EYS: variants seen among roughly 807,000 people sequenced by gnomAD.
The protein encoded by EYS is EGF-like photoreceptor maintenance factor, also known as protein eyes shut homolog.
In EYS, 250 loss-of-function variants were observed where a neutral mutation model predicts 282.1. The observed-to-expected ratio is 0.89, with a 90% CI of 0.80 to 0.98. EYS has a LOEUF of 0.98. Ranked by LOEUF, EYS falls within the 50% of genes least tolerant of loss-of-function variation. The pLI, the probability that EYS is intolerant of heterozygous loss-of-function variation, is 0.00. For missense variants in EYS, 4,016 were observed against 3,709.0 expected (o/e 1.08, Z -2.15); for synonymous variants, 1,355 against 1,282.9 (o/e 1.06, Z -1.20).
chr6:63,863,663 C>CTTTTTTTTTTTT lies in EYS; in HGVS notation c.7228+522_7228+523insAAAAAAAAAAAA, dbSNP rs1436358110. 3.6e-5 allele frequency among the ~76,000 whole-genome samples: 2 copies of CTTTTTTTTTTTT among 55,792 alleles called. 1 individual carries two copies. The allele number at this position is 55,792 out of a possible 152,430, so 36.6% of individuals were successfully genotyped here. ...TTTTTCTTTTCTTTTCTTTTCTTTT[C>CTTTTTTTTTTTT]TTTTCTTTTTTCTTTTTTTTTTTTT... On this transcript the variant is annotated intron_variant, in intron 36 of 42. Transcript: ENST00000503581.
At chr6:64,513,390 T>G (rs1777466856) in intron 26 of EYS, among the ~76,000 whole-genome samples, 1 of 151,908 alleles carries the variant, frequency 6.6e-6, no homozygotes, top group Non-Finnish European at 1.5e-5. Context: ...TGACATTCTA[T>G]GAAAAAATAT....
Position 64,591,537 on chromosome 6 carries a change from G to T in EYS, c.4330C>A (p.Leu1444Ile). The T allele has an allele frequency of 2.6e-6, 4 of 1,551,288 alleles. No individual in the cohort carries two copies. Among genetic ancestry groups the T allele is most frequent in the Non-Finnish European group, 3.5e-6 (4 of 1,146,758 alleles). Residue 1444 changes from leucine to isoleucine, a missense_variant, in exon 26 of 43, where the codon CTC becomes ATC. Transcript: ENST00000503581. Reference protein sequence around the residue: ...ADIELNRQSLLSRGFLLIAAS... With the variant: ...ADIELNRQSLISRGFLLIAAS... Reference sequence around the variant, plus strand: ...GCTATAAGCAGGAATCCACGGGAGAGTAATGACTGCCTGTTTAGCTCAATA... The same window carrying T: ...GCTATAAGCAGGAATCCACGGGAGATTAATGACTGCCTGTTTAGCTCAATA...
At chr6:64,847,007 C>T (rs1303996846) in intron 19 of EYS, among the ~76,000 whole-genome samples, 1 of 102,344 alleles carries the variant, frequency 9.8e-6, no homozygotes, top group Admixed American at 1.1e-4. Flanking sequence ...TATTATCCTC[C>T]CCAGTGTGAA....
chr6:65,290,672 C>T (rs1335398826), intron 12 of EYS, among the ~76,000 whole-genome samples: 3 of 151,222 alleles, frequency 2.0e-5, no homozygotes, highest in Admixed American at 6.6e-5. Flanking sequence ...GATTGTAAGG[C>T]CATAAACAAA....
At chr6:63,929,590 T>A (rs980015999) in intron 35 of EYS, among the ~76,000 whole-genome samples, 1 of 152,236 alleles carries the variant, frequency 6.6e-6, no homozygotes, top group Non-Finnish European at 1.5e-5. Flanking sequence ...TGCACTTGTA[T>A]GATGCTCTGT....
intron 14 of EYS, 22 bp from the exon 15 acceptor site, chr6:64,945,936 T>C (rs1038372765): frequency 1.5e-5 from 23 of 1,528,630 alleles, no homozygotes; most frequent in African/African-American, 1.2e-4. Flanking sequence ...TGAAATTATA[T>C]ATTTTTAGGC....
intron 26 of EYS, among the ~76,000 whole-genome samples, chr6:64,510,556 A>G (rs1197342690): frequency 6.6e-6 from 1 of 152,166 alleles, no homozygotes; most frequent in Non-Finnish European, 1.5e-5. Flanking sequence ...TATCTCTAAA[A>G]AATCAAAAAT....
chr6:64,748,080 G>A (rs1562169136), intron 22 of EYS, among the ~76,000 whole-genome samples: 1 of 152,124 alleles, frequency 6.6e-6, no homozygotes, highest in Non-Finnish European at 1.5e-5. Flanking sequence ...GGAGAACATA[G>A]ATTTCTACAA....
chr6:64,111,345 C>A (rs190584856), intron 31 of EYS, among the ~76,000 whole-genome samples: 1 of 152,064 alleles, frequency 6.6e-6, no homozygotes, highest in African/African-American at 2.4e-5. Context: ...AGATGATAGG[C>A]ACCCACCATA....
chr6:64,511,280 G>C (rs1459665797), intron 26 of EYS, among the ~76,000 whole-genome samples: 1 of 147,436 alleles, frequency 6.8e-6, no homozygotes, highest in Non-Finnish European at 1.5e-5. Context: ...TCATATATAT[G>C]ATATATATGT....
intron 22 of EYS, among the ~76,000 whole-genome samples, chr6:64,811,484 A>C (rs1764594179): frequency 6.6e-6 from 1 of 151,902 alleles, no homozygotes; most frequent in Non-Finnish European, 1.5e-5. Flanking sequence ...GAATATTTAT[A>C]CAGGAGCTTG....
At chr6:64,864,214 T>C (rs1289865292) in intron 19 of EYS, among the ~76,000 whole-genome samples, 1 of 151,968 alleles carries the variant, frequency 6.6e-6, no homozygotes, top group African/African-American at 2.4e-5. Context: ...TTTTGCTAAA[T>C]GGAAGGATAT....
At chr6:65,320,903 C>T (rs1329810049) in intron 11 of EYS, among the ~76,000 whole-genome samples, 1 of 152,210 alleles carries the variant, frequency 6.6e-6, no homozygotes, top group Admixed American at 6.5e-5. Context: ...GCAACTCCAG[C>T]AGGCACCTAC....
chr6:64,748,465 C>T (rs577212928), intron 22 of EYS, among the ~76,000 whole-genome samples: 158 of 152,312 alleles, frequency 1.0e-3, no homozygotes, highest in African/African-American at 3.3e-3. Flanking sequence ...GGTTTGCACT[C>T]CTGTGAGAAT....
At chr6:64,306,016 C>G (rs1246203280) in intron 30 of EYS, among the ~76,000 whole-genome samples, 1 of 151,956 alleles carries the variant, frequency 6.6e-6, no homozygotes, top group Non-Finnish European at 1.5e-5. Context: ...ATAGAGAACT[C>G]CTAAGACTAA....
chr6:65,434,097 A>T (rs9445545), intron 5 of EYS, among the ~76,000 whole-genome samples: 1 of 152,100 alleles, frequency 6.6e-6, no homozygotes, highest in South Asian at 2.1e-4. Context: ...TTAAAAAGGC[A>T]GAGTGATTGG....
chr6:65,654,874 T>G (rs1333223986), intron 1 of EYS, among the ~76,000 whole-genome samples: 1 of 151,416 alleles, frequency 6.6e-6, no homozygotes, highest in Non-Finnish European at 1.5e-5. Context: ...CTATGGTAAT[T>G]TGTTTTTAAA....
intron 2 of EYS, among the ~76,000 whole-genome samples, chr6:65,568,413 T>C (rs1764361304): frequency 6.6e-6 from 1 of 151,954 alleles, no homozygotes; most frequent in African/African-American, 2.4e-5. Flanking sequence ...CTAAATACAT[T>C]TGCATGCCAT....
intron 41 of EYS, chr6:63,742,064 CTT>C (rs1398850292): frequency 1.9e-5 from 13 of 680,510 alleles, no homozygotes; most frequent in Non-Finnish European, 3.5e-5. Context: ...GGCAGACACT[CTT>C]TGGATCTTTG....
Sources: gnomAD v4.1 joint callset for allele counts (sites outside exome capture counted in the v4.1 genomes callset) on GRCh38, gnomAD v4.1.1 for gene constraint, MANE v1.5 for transcripts, NCBI Gene and HGNC (gene_info 2026-07-23, HGNC 2026-07-21) for gene names.